BLK: variants seen among roughly 807,000 people sequenced by gnomAD.
BLK encodes BLK proto-oncogene, Src family tyrosine kinase.
A neutral mutation model predicts 61.8 loss-of-function variants in BLK; 64 were observed. The ratio of observed to expected loss-of-function variants is 1.03; its 90% CI spans 0.85 to 1.27. BLK has a LOEUF of 1.27. Among genes scored for constraint, BLK ranks in the 50% most tolerant of loss-of-function variants. BLK has a pLI of 0.00. For synonymous variants in BLK, 351 were observed against 272.0 expected (o/e 1.29, Z -2.86); for missense variants, 853 against 660.5 (o/e 1.29, Z -3.19).
chr8:11,555,800 T>C, intron 8 of BLK: 1 of 420,096 alleles, frequency 2.4e-6, no homozygotes, highest in East Asian at 5.5e-5. Flanking sequence ...TAACTCCCCT[T>C]AGCTTTTCAT....
At chr8:11,506,133 C>T (rs1585324153) in intron 1 of BLK, among the ~76,000 whole-genome samples, 1 of 152,216 alleles carries the variant, frequency 6.6e-6, no homozygotes. Context: ...GAGCTGAGTG[C>T]TTTTCCTGAG....
At chr8:11,507,459 A>T (rs888756282) in intron 1 of BLK, among the ~76,000 whole-genome samples, 1 of 152,202 alleles carries the variant, frequency 6.6e-6, no homozygotes, top group African/African-American at 2.4e-5. Context: ...TGACCACCCC[A>T]ACTGCAGGGG....
At chr8:11,560,123 A>ATGGATGGGTGGATGCGTGGG (rs1801422196) in intron 10 of BLK, 2 of 172,086 alleles carry the variant, frequency 1.2e-5, no homozygotes, top group Non-Finnish European at 1.1e-5. Flanking sequence ...GGATGGATGC[A>ATGGATGGGTGGATGCGTGGG]TGGATGGGTG....
At chr8:11,520,502 AGG>A (rs1411762686) in intron 1 of BLK, among the ~76,000 whole-genome samples, 46 of 143,156 alleles carry the variant, frequency 3.2e-4, no homozygotes, top group African/African-American at 1.1e-3. Flanking sequence ...AAAAAAAAAA[AGG>A]AAGAAAGAAA....
At chr8:11,501,868 G>A (rs2736347) in intron 1 of BLK, among the ~76,000 whole-genome samples, 52,829 of 152,020 alleles carry the variant, frequency 0.35, 10,489 homozygotes, top group East Asian at 0.69. Flanking sequence ...GTTGAACTGG[G>A]TAGTAGTTTT....
At chr8:11,519,587 G>T (rs757527075) in intron 1 of BLK, among the ~76,000 whole-genome samples, 2 of 152,200 alleles carry the variant, frequency 1.3e-5, no homozygotes, top group Non-Finnish European at 1.5e-5. Flanking sequence ...CATCGTAACA[G>T]TTCATGCTTA....
intron 10 of BLK, chr8:11,558,841 GCCA>G: frequency 6.7e-6 from 3 of 450,828 alleles, no homozygotes; most frequent in South Asian, 1.6e-5. Flanking sequence ...ACATACAGCT[GCCA>G]CCGAGAGGAA....
chr8:11,549,594 G>T (rs1048299158), intron 5 of BLK, among the ~76,000 whole-genome samples: 2 of 152,114 alleles, frequency 1.3e-5, no homozygotes, highest in South Asian at 2.1e-4. Context: ...TTTCGGACTC[G>T]GCCAGCCAGA....
intron 4 of BLK, 138 bp downstream of exon 4, chr8:11,548,263 T>A: frequency 1.4e-6 from 1 of 721,044 alleles, no homozygotes; most frequent in East Asian, 2.7e-5. Context: ...GGCCCCAGCA[T>A]TTTCTTGAAC....
intron 1 of BLK, among the ~76,000 whole-genome samples, chr8:11,527,899 G>A (rs921635874): frequency 2.0e-5 from 3 of 152,080 alleles, no homozygotes; most frequent in Non-Finnish European, 4.4e-5. Flanking sequence ...AGCAGTAAGG[G>A]ATTACAGAAA....
At chr8:11,563,187 C>G in intron 12 of BLK, 77 bp downstream of exon 12, 1 of 1,596,378 alleles carries the variant, frequency 6.3e-7, no homozygotes, top group Admixed American at 1.7e-5. Flanking sequence ...GTGCTTGGTG[C>G]CTGTGGCTGC....
intron 1 of BLK, among the ~76,000 whole-genome samples, chr8:11,530,315 G>T (rs769981443): frequency 6.6e-6 from 1 of 152,132 alleles, no homozygotes; most frequent in Non-Finnish European, 1.5e-5. Flanking sequence ...GAGTTCCTGG[G>T]CCTGTCAGAA....
chr8:11,531,325 T>C (rs1799878576), intron 1 of BLK, among the ~76,000 whole-genome samples: 2 of 152,220 alleles, frequency 1.3e-5, no homozygotes, highest in Non-Finnish European at 1.5e-5. Flanking sequence ...GTCTAATTTA[T>C]CAATTTTTCT....
intron 1 of BLK, among the ~76,000 whole-genome samples, chr8:11,495,947 G>A (rs1445742461): frequency 6.6e-6 from 1 of 152,148 alleles, no homozygotes; most frequent in East Asian, 1.9e-4. Context: ...TAAAATTACT[G>A]CAAAATAAAG....
intron 11 of BLK, 77 bp downstream of exon 11, chr8:11,561,529 C>G: frequency 1.3e-6 from 2 of 1,545,314 alleles, no homozygotes; most frequent in Non-Finnish European, 1.8e-6. Context: ...TTTAACTTCT[C>G]CCAGCACAGC....
Position 11,543,292 on chromosome 8 carries a change from G to C in BLK, c.68G>C (p.Trp23Ser). 1 of 1,613,920 alleles carries C rather than the reference G, an allele frequency of 6.2e-7. No individual in the cohort carries two copies. Among genetic ancestry groups the C allele is most frequent in the Non-Finnish European group, 8.5e-7 (1 of 1,180,034 alleles). Reference protein sequence around the residue: ...KPIKEKDKGQWSPLKVSAQDK... With the variant: ...KPIKEKDKGQSSPLKVSAQDK... ...ATCAAAGAGAAGGACAAGGGCCAAT[G>C]GAGCCCCCTGAAGGTCAGCGCCCAA... The change falls in exon 2 of 13, where the codon TGG (tryptophan) becomes TCG (serine). Residue 23 changes from tryptophan (W) to serine (S), a missense_variant. Trp to Ser is a radical substitution (Grantham distance 177). Transcript: ENST00000259089.
chr8:11,562,440 G>A (rs1261325290), intron 11 of BLK, among the ~76,000 whole-genome samples: 2 of 152,316 alleles, frequency 1.3e-5, no homozygotes, highest in African/African-American at 4.8e-5. Flanking sequence ...AGGCTGTGAA[G>A]TGCCAAGCCC....
In BLK at chr8:11,529,848, T is replaced by C. The variant is rs1799817178; in HGVS notation, c.-1-13376T>C. Among the ~76,000 whole-genome samples, 3 of 152,120 alleles carry C rather than the reference T, an allele frequency of 2.0e-5. No individual in the cohort carries two copies. In the South Asian group the frequency reaches 6.2e-4, roughly 32 times the overall value. On this transcript the variant is annotated intron_variant, in intron 1 of 12. Coordinates refer to ENST00000259089, the MANE Select transcript of BLK (RefSeq NM_001715.3). ...CTCAGTTGTAATTTTGCAGCGGCAGTTTCAAAAGTCCTAGCTTCAGGAGTC... is the reference window on the plus strand; with the variant it reads ...CTCAGTTGTAATTTTGCAGCGGCAGCTTCAAAAGTCCTAGCTTCAGGAGTC...
At chr8:11,555,597 G>A (rs1050297062) in intron 8 of BLK, 113 bp downstream of exon 8, 2 of 1,512,008 alleles carry the variant, frequency 1.3e-6, no homozygotes, top group South Asian at 1.2e-5. Flanking sequence ...AGTCTTGAGA[G>A]GGAGCGAGGA....
Sources: gnomAD v4.1 joint callset for allele counts (sites outside exome capture counted in the v4.1 genomes callset) on GRCh38, gnomAD v4.1.1 for gene constraint, MANE v1.5 for transcripts, NCBI Gene and HGNC (gene_info 2026-07-23, HGNC 2026-07-21) for gene names.